Variants in SCD5 observed in about 807,000 individuals in gnomAD.
SCD5 encodes the protein acyl-CoA-desaturase 4.
SCD5 carries 20 observed loss-of-function variants against 30.4 expected under a neutral mutation model. The observed-to-expected ratio is 0.66, with a 90% confidence interval of 0.46 to 0.96. The LOEUF (loss-of-function observed/expected upper bound fraction) is 0.96, where lower values mean the gene tolerates loss of function less well. Among genes scored for constraint, SCD5 ranks in the 40% least tolerant of loss-of-function variants. SCD5 has a pLI of 0.00. For synonymous variants in SCD5, 173 were observed against 176.4 expected, an observed-to-expected ratio of 0.98 and a Z score of 0.16; for missense variants, 381 against 443.3, an observed-to-expected ratio of 0.86 and a Z score of 1.26.
At chr4:82,705,819 G>A (rs1719957172) in intron 1 of SCD5, among the ~76,000 whole-genome samples, 1 of 152,168 alleles carries the variant, frequency 6.6e-6, no homozygotes. Flanking sequence ...GTTATGTGAA[G>A]AGCATATTTC....
intron 2 of SCD5, among the ~76,000 whole-genome samples, chr4:82,695,721 G>A (rs955965811): frequency 6.6e-6 from 1 of 152,168 alleles, no homozygotes; most frequent in African/African-American, 2.4e-5. Context: ...TTCTAACTAT[G>A]CTGTGACCTT....
At chr4:82,743,713 G>T in intron 1 of SCD5, among the ~76,000 whole-genome samples, 1 of 151,314 alleles carries the variant, frequency 6.6e-6, no homozygotes, top group East Asian at 2.0e-4. Flanking sequence ...GTAGAGACAG[G>T]GTCTCACTAT....
At chr4:82,722,584 T>G (rs1457050793) in intron 1 of SCD5, among the ~76,000 whole-genome samples, 1 of 151,794 alleles carries the variant, frequency 6.6e-6, no homozygotes, top group Non-Finnish European at 1.5e-5. Flanking sequence ...GCCAACGTGG[T>G]GAAACACTAG....
intron 1 of SCD5, among the ~76,000 whole-genome samples, chr4:82,734,864 A>C (rs1314539924): frequency 6.6e-6 from 1 of 151,770 alleles, no homozygotes; most frequent in Non-Finnish European, 1.5e-5. Flanking sequence ...TCCCGGGCTC[A>C]AGCAATTCTT....
chr4:82,798,174 C>G, intron 1 of SCD5, 132 bp downstream of exon 1: 1 of 1,014,112 alleles, frequency 9.9e-7, no homozygotes, highest in Non-Finnish European at 1.2e-6. Flanking sequence ...GGCCGCGGCG[C>G]GCAGCGGGAG....
chr4:82,739,334 C>T (rs1431398384), intron 1 of SCD5, among the ~76,000 whole-genome samples: 4 of 152,216 alleles, frequency 2.6e-5, no homozygotes, highest in Admixed American at 2.6e-4. Context: ...ACTCAACTCT[C>T]GGGATCATGG....
At chr4:82,683,582 ACTTT>A (rs1445481134) in intron 2 of SCD5, among the ~76,000 whole-genome samples, 1 of 152,120 alleles carries the variant, frequency 6.6e-6, no homozygotes, top group Non-Finnish European at 1.5e-5. Flanking sequence ...TTTATGGAAA[ACTTT>A]CTTTCATCTT....
At position 82,631,244 on chromosome 4, in the gene SCD5, G is replaced by A. The variant is rs547988385; in HGVS notation, c.*83C>T. 7.3e-5 allele frequency: 82 copies of A among 1,116,534 alleles called. No homozygotes were observed. The African/African-American group carries it at 1.1e-3, about 15-fold the overall frequency. 69.2% of individuals were successfully genotyped at this position (1,116,534 alleles called of 1,614,324 possible). On this transcript the variant is annotated 3_prime_UTR_variant, in exon 5 of 5. Transcript: ENST00000319540. ...TTCCCCACCCTCTGCCCCCTCCCAC[G>A]ATCCAATGTACAAGAGAGCTATTGT...
intron 3 of SCD5, among the ~76,000 whole-genome samples, chr4:82,663,993 G>T (rs914807138): frequency 2.0e-5 from 3 of 152,124 alleles, no homozygotes; most frequent in African/African-American, 7.2e-5. Flanking sequence ...GACTGATACT[G>T]GACCAGAACA....
In SCD5 at chr4:82,640,861, G is replaced by A. The variant is rs532899625; in HGVS notation, c.570-4038C>T. On this transcript the variant is annotated intron_variant, in intron 3 of 4. Coordinates refer to ENST00000319540, the MANE Select transcript of SCD5 (RefSeq NM_001037582.3). Reference sequence around the variant, plus strand: ...TTCCTCATTTTAGAGATTTCCTTTCGTCATTTGGTGATAGGGAGGAGGGCT... The same window carrying A: ...TTCCTCATTTTAGAGATTTCCTTTCATCATTTGGTGATAGGGAGGAGGGCT... Among the ~76,000 whole-genome samples, 38 of 151,740 alleles carry A rather than the reference G, an allele frequency of 2.5e-4. 1 individual carries two copies. Among genetic ancestry groups the A allele is most frequent in the African/African-American group, 8.0e-4 (33 of 41,278 alleles).
chr4:82,796,124 G>A (rs1354118427), intron 1 of SCD5, among the ~76,000 whole-genome samples: 1 of 152,090 alleles, frequency 6.6e-6, no homozygotes, highest in Admixed American at 6.5e-5. Context: ...CAAAAAATTA[G>A]CCGGGCGTGG....
At chr4:82,686,727 G>T (rs889743755) in intron 2 of SCD5, among the ~76,000 whole-genome samples, 1 of 152,172 alleles carries the variant, frequency 6.6e-6, no homozygotes, top group African/African-American at 2.4e-5. Flanking sequence ...AAATTGGGAG[G>T]TAGGAATGAG....
At chr4:82,751,277 C>T (rs995942129) in intron 1 of SCD5, among the ~76,000 whole-genome samples, 2 of 152,084 alleles carry the variant, frequency 1.3e-5, no homozygotes, top group African/African-American at 4.8e-5. Flanking sequence ...CTCACTGCAG[C>T]CTCTAACTCC....
chr4:82,718,784 G>A (rs539636021), intron 1 of SCD5, among the ~76,000 whole-genome samples: 2 of 151,456 alleles, frequency 1.3e-5, no homozygotes, highest in African/African-American at 4.9e-5. Context: ...TTGCCAAATC[G>A]CTTTAAGTTG....
intron 1 of SCD5, among the ~76,000 whole-genome samples, chr4:82,786,803 A>AAC (rs1553920749): frequency 2.6e-5 from 4 of 151,788 alleles, no homozygotes; most frequent in South Asian, 4.2e-4. Flanking sequence ...AAAAAAAAAA[A>AAC]AAAAAAAACA....
At chr4:82,708,293 TTTG>T (rs1210026922) in intron 1 of SCD5, among the ~76,000 whole-genome samples, 3 of 152,208 alleles carry the variant, frequency 2.0e-5, no homozygotes, top group African/African-American at 7.2e-5. Context: ...CCCATTGGAT[TTTG>T]TTATTATATA....
chr4:82,633,125 T>G (rs1270240593), intron 4 of SCD5, among the ~76,000 whole-genome samples: 4 of 152,190 alleles, frequency 2.6e-5, no homozygotes, highest in Non-Finnish European at 1.5e-5. Flanking sequence ...ATTTGTACCC[T>G]TTGACCAATA....
intron 1 of SCD5, among the ~76,000 whole-genome samples, chr4:82,789,267 A>T (rs1722050154): frequency 6.6e-6 from 1 of 152,224 alleles, no homozygotes; most frequent in African/African-American, 2.4e-5. Context: ...TTTGTTGACA[A>T]GAGAAGCAGG....
At chr4:82,674,086 G>A (rs761610935) in intron 3 of SCD5, among the ~76,000 whole-genome samples, 17 of 152,038 alleles carry the variant, frequency 1.1e-4, no homozygotes, top group African/African-American at 3.4e-4. Context: ...ATGACTCTGG[G>A]TTTGACAATT....
Sources: allele counts gnomAD v4.1 joint callset (sites outside exome capture counted in the v4.1 genomes callset), GRCh38; gene constraint gnomAD v4.1.1; transcripts MANE v1.5; gene names NCBI Gene and HGNC (gene_info 2026-07-23, HGNC 2026-07-21).